CD247: variants seen among roughly 807,000 people sequenced by gnomAD.
The protein encoded by CD247 is T-cell surface glycoprotein CD3 zeta chain.
Under a neutral mutation model 30.0 loss-of-function variants are expected in CD247, and 13 were observed. The observed-to-expected ratio is 0.43, with a 90% confidence interval of 0.28 to 0.69. The LOEUF (loss-of-function observed/expected upper bound fraction) is 0.69, where lower values mean the gene tolerates loss of function less well. Ranked by LOEUF, CD247 falls within the 30% of genes least tolerant of loss-of-function variation. CD247 has a pLI of 0.16. For synonymous variants in CD247, 72 were observed against 80.0 expected (o/e 0.90, Z 0.53); for missense variants, 193 against 212.6 (o/e 0.91, Z 0.57).
intron 1 of CD247, among the ~76,000 whole-genome samples, chr1:167,479,981 T>C (rs1307210115): frequency 6.6e-6 from 1 of 152,216 alleles, no homozygotes; most frequent in Non-Finnish European, 1.5e-5. Flanking sequence ...CCAAAACATC[T>C]AGCTTGCTGC....
At position 167,469,602 on chromosome 1, in the gene CD247, C is replaced by T. The variant is rs74231833; in HGVS notation, c.59-28835G>A. 3.7e-3 allele frequency among the ~76,000 whole-genome samples: 567 copies of T among 152,286 alleles called. 6 individuals are homozygous for T. In the East Asian group the frequency reaches 0.041, roughly 11 times the overall value. ...TTCCAAGCGATTTTATTTTCAAGAA[C>T]AATGCAGATCTCCCCTCCTCACCCC... On this transcript the variant is annotated intron_variant, in intron 1 of 7. Coordinates refer to ENST00000362089, the MANE Select transcript of CD247 (RefSeq NM_198053.3).
At chr1:167,498,997 A>G (rs942039144) in intron 1 of CD247, among the ~76,000 whole-genome samples, 2 of 152,228 alleles carry the variant, frequency 1.3e-5, no homozygotes, top group African/African-American at 2.4e-5. Context: ...AGTGCTTAGC[A>G]GTGGATCAAT....
At chr1:167,433,964 C>A (rs866150338) in intron 6 of CD247, 56 bp downstream of exon 6, 6 of 1,428,980 alleles carry the variant, frequency 4.2e-6, no homozygotes, top group Middle Eastern at 1.8e-4. Context: ...CTGCAGCAGG[C>A]GTGTCTGGAG....
chr1:167,508,103 A>C (rs1655225641), intron 1 of CD247, among the ~76,000 whole-genome samples: 1 of 152,114 alleles, frequency 6.6e-6, no homozygotes, highest in Admixed American at 6.5e-5. Flanking sequence ...TGTCCTCCCC[A>C]CCAGCCCCTT....
chr1:167,512,076 A>G (rs1336247950), intron 1 of CD247, among the ~76,000 whole-genome samples: 1 of 152,154 alleles, frequency 6.6e-6, no homozygotes, highest in Non-Finnish European at 1.5e-5. Context: ...GTTGCTGAGT[A>G]GCACAAATCA....
At position 167,456,736 on chromosome 1, in the gene CD247, T is replaced by C. The variant is rs1451103603; in HGVS notation, c.59-15969A>G. Among the ~76,000 whole-genome samples, 3 of 152,192 alleles carry C rather than the reference T, an allele frequency of 2.0e-5. No homozygotes were observed. In the East Asian group the frequency reaches 5.8e-4, roughly 29 times the overall value. Reference sequence around the variant, plus strand: ...CTGAGCATTTGCAGAAAGCCTGCTCTGTGAGGGAGGGCAGCCCCAAAGCTC... The same window carrying C: ...CTGAGCATTTGCAGAAAGCCTGCTCCGTGAGGGAGGGCAGCCCCAAAGCTC... On this transcript the variant is annotated intron_variant, in intron 1 of 7. Transcript: ENST00000362089.
chr1:167,491,210 G>A (rs151311396), intron 1 of CD247, among the ~76,000 whole-genome samples: 1 of 152,248 alleles, frequency 6.6e-6, no homozygotes, highest in East Asian at 1.9e-4. Context: ...CGTGCACTGT[G>A]GGCGGAAAGG....
intron 1 of CD247, among the ~76,000 whole-genome samples, chr1:167,475,216 A>G (rs1035556479): frequency 2.0e-5 from 3 of 152,148 alleles, no homozygotes; most frequent in Admixed American, 6.5e-5. Context: ...TCAAACACAC[A>G]TAAGAGTGGA....
At position 167,434,085 on chromosome 1, in the gene CD247, G is replaced by C; in HGVS notation, c.337-9C>G. On this transcript the variant is annotated splice_polypyrimidine_tract_variant and intron_variant, in intron 5 of 7. Coordinates refer to ENST00000362089, the MANE Select transcript of CD247 (RefSeq NM_198053.3). The stretch of plus-strand genomic sequence containing the variant: ...TTATCTTTCTGCAGTTCCTGCAGAA[G>C]AGGGCGTGGAACACTGATTTTTACC... 6.2e-7 allele frequency: 1 copy of C among 1,612,762 alleles called. No individual in the cohort carries two copies. Among genetic ancestry groups the C allele is most frequent in the South Asian group, 1.1e-5 (1 of 91,038 alleles).
At chr1:167,437,560 C>A (rs1490975077) in intron 4 of CD247, among the ~76,000 whole-genome samples, 1 of 152,162 alleles carries the variant, frequency 6.6e-6, no homozygotes, top group East Asian at 1.9e-4. Flanking sequence ...CTGTTATTCA[C>A]TCTAACATGG....
intron 1 of CD247, among the ~76,000 whole-genome samples, chr1:167,445,858 G>A (rs1358172095): frequency 2.0e-5 from 3 of 152,118 alleles, no homozygotes; most frequent in African/African-American, 4.8e-5. Context: ...GGGCATCTGC[G>A]GGACTTACTC....
At chr1:167,515,843 C>T (rs866082528) in intron 1 of CD247, among the ~76,000 whole-genome samples, 5 of 152,236 alleles carry the variant, frequency 3.3e-5, no homozygotes, top group Non-Finnish European at 2.9e-5. Flanking sequence ...AACAAGAAGA[C>T]AGTCCGAGAT....
At position 167,431,024 on chromosome 1, in the gene CD247, T is replaced by A. The variant is rs1651239650; in HGVS notation, c.*657A>T. 2 of 407,096 alleles carry A rather than the reference T, an allele frequency of 4.9e-6. No individual in the cohort carries two copies. Among genetic ancestry groups the A allele is most frequent in the South Asian group, 2.3e-4 (2 of 8,874 alleles). 25.2% of individuals were successfully genotyped at this position (407,096 alleles called of 1,614,324 possible). On this transcript the variant is annotated 3_prime_UTR_variant, in exon 8 of 8. Coordinates refer to ENST00000362089, the MANE Select transcript of CD247 (RefSeq NM_198053.3). ...TTCATCTTCTGGCCCCTGTAGCACA[T>A]GGTACAGTTCAATGGTGCGGCACAG...
At chr1:167,467,581 A>G (rs943063527) in intron 1 of CD247, among the ~76,000 whole-genome samples, 2 of 152,206 alleles carry the variant, frequency 1.3e-5, no homozygotes, top group Admixed American at 1.3e-4. Context: ...GGTGCAGAGC[A>G]CAGCCCTAAG....
At chr1:167,496,834 G>A (rs963818142) in intron 1 of CD247, among the ~76,000 whole-genome samples, 4 of 152,146 alleles carry the variant, frequency 2.6e-5, no homozygotes, top group South Asian at 2.1e-4. Flanking sequence ...TGTGGGTGAC[G>A]TGTACCACAT....
At chr1:167,495,024 G>A (rs1654624783) in intron 1 of CD247, among the ~76,000 whole-genome samples, 1 of 152,244 alleles carries the variant, frequency 6.6e-6, no homozygotes, top group Non-Finnish European at 1.5e-5. Context: ...AGATCCCAAG[G>A]AGGGGAGGGC....
intron 3 of CD247, 133 bp downstream of exon 3, chr1:167,439,211 C>T: frequency 1.3e-6 from 1 of 792,360 alleles, no homozygotes; most frequent in Non-Finnish European, 2.3e-6. Flanking sequence ...TGAGGTTAAA[C>T]AAGTTGCAGC....
chr1:167,465,538 C>A (rs1361847374), intron 1 of CD247, among the ~76,000 whole-genome samples: 1 of 151,926 alleles, frequency 6.6e-6, no homozygotes, highest in Non-Finnish European at 1.5e-5. Context: ...ACCATGTTGG[C>A]CAGGCTGGTC....
intron 1 of CD247, among the ~76,000 whole-genome samples, chr1:167,493,825 T>C (rs1181001786): frequency 6.6e-6 from 1 of 152,162 alleles, no homozygotes; most frequent in Non-Finnish European, 1.5e-5. Flanking sequence ...TTCTTCTTGT[T>C]TAAGAAGCAT....
Sources: allele counts gnomAD v4.1 joint callset (sites outside exome capture counted in the v4.1 genomes callset), GRCh38; gene constraint gnomAD v4.1.1; transcripts MANE v1.5; gene names NCBI Gene and HGNC (gene_info 2026-07-23, HGNC 2026-07-21).